The following ADGRB3 variants were observed in gnomAD, a reference collection of about 807,000 sequenced individuals.
The protein encoded by ADGRB3 is brain-specific angiogenesis inhibitor 3.
ADGRB3 carries 37 observed loss-of-function variants against 193.4 expected under a neutral mutation model. That is an observed-to-expected ratio of 0.19 (90% CI 0.15 to 0.25). ADGRB3 has a LOEUF of 0.25. Ranked by LOEUF, ADGRB3 falls within the 10% of genes least tolerant of loss-of-function variation. The pLI is 1.00. For synonymous variants in ADGRB3, 690 were observed against 644.2 expected, an observed-to-expected ratio of 1.07 and a Z score of -1.08; for missense variants, 1,637 against 1,852.9, an observed-to-expected ratio of 0.88 and a Z score of 2.14.
intron 3 of ADGRB3, among the ~76,000 whole-genome samples, chr6:68,653,334 A>G (rs1179021177): frequency 6.6e-6 from 1 of 152,118 alleles, no homozygotes; most frequent in Non-Finnish European, 1.5e-5. Context: ...CTATTCTGAC[A>G]TATCTATAAT....
intron 3 of ADGRB3, among the ~76,000 whole-genome samples, chr6:68,731,776 G>T (rs969799149): frequency 6.6e-6 from 1 of 151,358 alleles, no homozygotes; most frequent in Non-Finnish European, 1.5e-5. Flanking sequence ...AGAAAGAAAT[G>T]ATATATTTAG....
intron 20 of ADGRB3, among the ~76,000 whole-genome samples, chr6:69,284,767 A>T (rs1450643986): frequency 6.6e-6 from 1 of 152,176 alleles, no homozygotes. Context: ...ATATGTAATT[A>T]ATTTGTTTTG....
At chr6:69,187,403 C>T (rs1319387067) in intron 17 of ADGRB3, among the ~76,000 whole-genome samples, 4 of 152,040 alleles carry the variant, frequency 2.6e-5, no homozygotes, top group Non-Finnish European at 4.4e-5. Context: ...ACTAAAATTA[C>T]AATAGAACAT....
chr6:69,014,269 G>C (rs1256732893), intron 12 of ADGRB3, among the ~76,000 whole-genome samples, 163 bp downstream of exon 12: 1 of 151,986 alleles, frequency 6.6e-6, no homozygotes, highest in Non-Finnish European at 1.5e-5. Context: ...TACCATACCA[G>C]TCTGGAAGGA....
At chr6:69,047,039 T>G (rs1408324447) in intron 13 of ADGRB3, among the ~76,000 whole-genome samples, 1 of 152,096 alleles carries the variant, frequency 6.6e-6, no homozygotes, top group Admixed American at 6.5e-5. Context: ...TTTTGTATTT[T>G]TAGTAGAGAT....
chr6:69,353,734 T>C (rs1365619042), intron 26 of ADGRB3, among the ~76,000 whole-genome samples: 1 of 152,250 alleles, frequency 6.6e-6, no homozygotes, highest in Non-Finnish European at 1.5e-5. Context: ...TTCCTTGGCA[T>C]ACAGCAAAAG....
intron 3 of ADGRB3, among the ~76,000 whole-genome samples, chr6:68,684,962 C>T (rs921643814): frequency 5.9e-5 from 9 of 152,024 alleles, no homozygotes; most frequent in Non-Finnish European, 1.2e-4. Flanking sequence ...TCTTACTCTT[C>T]TCAACCCTAA....
chr6:69,353,779 C>T (rs1487455575), intron 26 of ADGRB3, among the ~76,000 whole-genome samples: 1 of 152,110 alleles, frequency 6.6e-6, no homozygotes, highest in African/African-American at 2.4e-5. Context: ...AAAAAGTAAA[C>T]AAGGCAGGGC....
chr6:68,836,342 C>T (rs1305454659), intron 3 of ADGRB3, among the ~76,000 whole-genome samples: 1 of 144,078 alleles, frequency 6.9e-6, no homozygotes, highest in Non-Finnish European at 1.5e-5. Context: ...TTTACTTCTT[C>T]CCTGCACCAT....
Position 68,913,658 on chromosome 6 carries a change from A to T in ADGRB3, c.758-16901A>T, listed in dbSNP as rs566135726. 3.3e-5 allele frequency among the ~76,000 whole-genome samples: 5 copies of T among 152,378 alleles called. No homozygotes were observed. The East Asian group carries it at 9.6e-4, about 29-fold the overall frequency. ...TGCCTCTCCTCCTCCAAAGGAACAC[A>T]GTTCCTCACCAGCAACGGAACAAAG... On this transcript the variant is annotated intron_variant, in intron 3 of 31. Transcript: ENST00000370598.
intron 3 of ADGRB3, among the ~76,000 whole-genome samples, chr6:68,815,925 C>T (rs995360674): frequency 1.9e-4 from 29 of 151,938 alleles, no homozygotes; most frequent in African/African-American, 6.8e-4. Context: ...TGAAAATCCT[C>T]AGTAGTATAG....
intron 28 of ADGRB3, among the ~76,000 whole-genome samples, chr6:69,359,323 A>G (rs1026773818): frequency 2.6e-5 from 4 of 151,574 alleles, no homozygotes; most frequent in African/African-American, 7.3e-5. Flanking sequence ...CCTGGAAATT[A>G]CAACTCATTA....
At chr6:69,074,240 T>C (rs895561162) in intron 16 of ADGRB3, among the ~76,000 whole-genome samples, 3 of 152,202 alleles carry the variant, frequency 2.0e-5, no homozygotes, top group Non-Finnish European at 4.4e-5. Context: ...GAGTTAGTCA[T>C]GTACCAATTA....
At chr6:69,187,495 A>G (rs1451645389) in intron 17 of ADGRB3, among the ~76,000 whole-genome samples, 1 of 152,218 alleles carries the variant, frequency 6.6e-6, no homozygotes, top group Non-Finnish European at 1.5e-5. Flanking sequence ...TTCATCTTCA[A>G]AGTGAAATTA....
chr6:68,978,790 C>T (rs950950019), intron 10 of ADGRB3, among the ~76,000 whole-genome samples: 6 of 151,320 alleles, frequency 4.0e-5, no homozygotes, highest in Non-Finnish European at 5.9e-5. Context: ...ACATTTAATC[C>T]TTGAGAGATT....
intron 3 of ADGRB3, among the ~76,000 whole-genome samples, chr6:68,788,923 T>C (rs931596018): frequency 2.0e-5 from 3 of 152,188 alleles, no homozygotes; most frequent in Non-Finnish European, 4.4e-5. Context: ...CTTCTTTGTC[T>C]CTTTTGAACT....
At position 69,121,360 on chromosome 6, in the gene ADGRB3, A is replaced by C. The variant is rs186240153; in HGVS notation, c.2480+45322A>C. ...ATTAACGGCATCCCAAAGCAGAAGAATTTTTCTTAGTACAGAACAAAATGG... is the reference window on the plus strand; with the variant it reads ...ATTAACGGCATCCCAAAGCAGAAGACTTTTTCTTAGTACAGAACAAAATGG... On this transcript the variant is annotated intron_variant, in intron 17 of 31. Transcript: ENST00000370598. 3.9e-3 allele frequency among the ~76,000 whole-genome samples: 592 copies of C among 152,282 alleles called. 1 individual carries two copies. Among genetic ancestry groups the C allele is most frequent in the African/African-American group, 0.013 (542 of 41,568 alleles).
At chr6:69,230,220 C>G (rs750062626) in intron 17 of ADGRB3, among the ~76,000 whole-genome samples, 1 of 152,130 alleles carries the variant, frequency 6.6e-6, no homozygotes, top group Non-Finnish European at 1.5e-5. Context: ...CTTCTGATAT[C>G]ATCAGTTATT....
At chr6:68,884,936 A>G (rs1187378103) in intron 3 of ADGRB3, among the ~76,000 whole-genome samples, 2 of 152,214 alleles carry the variant, frequency 1.3e-5, no homozygotes, top group East Asian at 1.9e-4. Flanking sequence ...GATCACTGAT[A>G]TAAAACCCAG....
Sources: gnomAD v4.1 joint callset for allele counts (sites outside exome capture counted in the v4.1 genomes callset) on GRCh38, gnomAD v4.1.1 for gene constraint, MANE v1.5 for transcripts, NCBI Gene and HGNC (gene_info 2026-07-23, HGNC 2026-07-21) for gene names.